The following DCAKD variants were observed in gnomAD, a reference collection of about 807,000 sequenced individuals.
DCAKD encodes dephospho-CoA kinase domain-containing protein.
A neutral mutation model predicts 18.7 loss-of-function variants in DCAKD; 15 were observed. The ratio of observed to expected loss-of-function variants is 0.80; its 90% confidence interval spans 0.54 to 1.24. The LOEUF is 1.24. Ranked by LOEUF, DCAKD falls within the 50% of genes most tolerant of loss-of-function variation. The pLI, the probability that DCAKD is intolerant of heterozygous loss-of-function variation, is 0.00. For synonymous variants in DCAKD, 130 were observed against 133.0 expected (o/e 0.98, Z 0.16); for missense variants, 301 against 322.0 (o/e 0.93, Z 0.50).
At chr17:45,043,215 C>G (rs1456626396) in intron 1 of DCAKD, among the ~76,000 whole-genome samples, 1 of 151,026 alleles carries the variant, frequency 6.6e-6, no homozygotes, top group Non-Finnish European at 1.5e-5. Context: ...GAGATCGCGC[C>G]ACTGCACTCC....
chr17:45,038,115 C>T (rs2053345856), intron 1 of DCAKD, among the ~76,000 whole-genome samples: 1 of 151,434 alleles, frequency 6.6e-6, no homozygotes. Context: ...CTCTCTCTGT[C>T]CCCCAGGGTG....
At chr17:45,025,947 G>C (rs893925518) in intron 4 of DCAKD, among the ~76,000 whole-genome samples, 1 of 148,380 alleles carries the variant, frequency 6.7e-6, no homozygotes, top group African/African-American at 2.5e-5. Flanking sequence ...TTTTGAGACG[G>C]AGTCTCGCTT....
intron 3 of DCAKD, chr17:45,031,639 C>T (rs2143207251): frequency 1.0e-6 from 1 of 985,406 alleles, no homozygotes; most frequent in Non-Finnish European, 1.2e-6. Context: ...CTCTTATCTC[C>T]CTTTCCTGTT....
At chr17:45,039,340 C>T (rs143203753) in intron 1 of DCAKD, among the ~76,000 whole-genome samples, 31 of 152,366 alleles carry the variant, frequency 2.0e-4, no homozygotes, top group African/African-American at 6.5e-4. Flanking sequence ...AGAATCCGAT[C>T]TGGCTTCCCA....
At chr17:45,058,919 ACTTATG>A (rs1280758398) in intron 1 of DCAKD, among the ~76,000 whole-genome samples, 1 of 151,966 alleles carries the variant, frequency 6.6e-6, no homozygotes, top group Non-Finnish European at 1.5e-5. Flanking sequence ...GATCATAATT[ACTTATG>A]CTTATGCCAT....
At chr17:45,026,514 C>T (rs1031168239) in intron 4 of DCAKD, 34 of 774,396 alleles carry the variant, frequency 4.4e-5, no homozygotes, top group African/African-American at 4.0e-4. Flanking sequence ...TGTGAGCCAC[C>T]GCGCCTGGCT....
chr17:45,038,216 A>T (rs1193852086), intron 1 of DCAKD, among the ~76,000 whole-genome samples: 1 of 151,914 alleles, frequency 6.6e-6, no homozygotes, highest in Non-Finnish European at 1.5e-5. Context: ...AGCTAGGATT[A>T]CAGGTATGCA....
At chr17:45,025,284 G>A (rs1294514774) in intron 4 of DCAKD, among the ~76,000 whole-genome samples, 2 of 152,072 alleles carry the variant, frequency 1.3e-5, no homozygotes, top group South Asian at 4.1e-4. Context: ...AACATTTAGA[G>A]TAAAAGGATT....
chr17:45,036,660 G>GA (rs538393645), intron 1 of DCAKD, among the ~76,000 whole-genome samples: 42 of 144,954 alleles, frequency 2.9e-4, no homozygotes, highest in East Asian at 2.8e-3. Context: ...GCATAGAAAG[G>GA]AAAAAAAAAA....
rs1312651241 is a variant in DCAKD, at chr17:45,044,731, AT to A, written c.-115+6629del. The stretch of plus-strand genomic sequence containing the variant: ...AATAAATAAATAAATAAATAAATAA[AT>A]AAATAAAAGCTGTGGCAGAAGAGTT... On this transcript the variant is annotated intron_variant, in intron 1 of 4. Transcript: ENST00000651974. Among the ~76,000 whole-genome samples, 20 of 151,076 alleles carry A rather than the reference AT, an allele frequency of 1.3e-4. No individual in the cohort carries two copies. The East Asian group carries it at 3.2e-3, about 24-fold the overall frequency.
chr17:45,056,423 AG>A (rs1340502496), upstream of DCAKD, among the ~76,000 whole-genome samples: 1 of 152,118 alleles, frequency 6.6e-6, no homozygotes. Context: ...TCAGAGGCAG[AG>A]CCAGGATTTA....
At position 45,034,923 on chromosome 17, in the gene DCAKD, C is replaced by T. The variant is rs2053259355; in HGVS notation, c.-38G>A. On this transcript the variant is annotated 5_prime_UTR_variant, in exon 2 of 5. Transcript: ENST00000651974. ...AGAGCTGTCCGCGAGACTACGGAGC[C>T]AGGAGCTACAGAATCACTGGAGAGC... The T allele has an allele frequency of 6.2e-7, 1 of 1,605,528 alleles. No homozygotes were observed. Among genetic ancestry groups the T allele is most frequent in the African/African-American group, 1.3e-5 (1 of 74,766 alleles).
chr17:45,061,087 C>G (rs1239930728), exon 1 of DCAKD: 2 of 1,301,824 alleles, frequency 1.5e-6, no homozygotes, highest in African/African-American at 3.0e-5. Context: ...TGCGCCCCTT[C>G]TTTCCTCAAA....
At position 45,044,736 on chromosome 17, in the gene DCAKD, T is replaced by A. The variant is rs192459910; in HGVS notation, c.-115+6625A>T. 1.5e-4 allele frequency among the ~76,000 whole-genome samples: 21 copies of A among 138,740 alleles called. No individual in the cohort carries two copies. The East Asian group carries it at 2.4e-3, about 16-fold the overall frequency. The allele number at this position is 138,740 out of a possible 152,430, so 91.0% of individuals were successfully genotyped here. The stretch of plus-strand genomic sequence containing the variant: ...ATAAATAAATAAATAAATAAATAAA[T>A]AAAAGCTGTGGCAGAAGAGTTCCCA... On this transcript the variant is annotated intron_variant, in intron 1 of 4. Coordinates refer to ENST00000651974, the MANE Select transcript of DCAKD (RefSeq NM_001288655.2).
At chr17:45,034,657 C>G in intron 2 of DCAKD, 117 bp downstream of exon 2, 1 of 1,161,014 alleles carries the variant, frequency 8.6e-7, no homozygotes, top group Non-Finnish European at 1.2e-6. Flanking sequence ...GAAGTCAGAC[C>G]AGGGTCAACA....
At chr17:45,030,208 T>A (rs1567831396) in intron 3 of DCAKD, 29 bp from the exon 4 acceptor site, 1 of 1,602,118 alleles carries the variant, frequency 6.2e-7, no homozygotes. Context: ...TCCCCCAAGT[T>A]CAATTCTGCA....
At chr17:45,057,235 G>T (rs957187243) in intron 1 of DCAKD, among the ~76,000 whole-genome samples, 2 of 151,742 alleles carry the variant, frequency 1.3e-5, no homozygotes, top group African/African-American at 4.8e-5. Context: ...TTAGAGACAG[G>T]GTCCTCTATG....
At chr17:45,043,889 G>A (rs1212822936) in intron 1 of DCAKD, among the ~76,000 whole-genome samples, 2 of 151,756 alleles carry the variant, frequency 1.3e-5, no homozygotes, top group African/African-American at 2.4e-5. Context: ...CATCCAACCC[G>A]CAGTGCCCGG....
At chr17:45,055,939 A>G (rs113607941), upstream of DCAKD, among the ~76,000 whole-genome samples, 930 of 152,284 alleles carry the variant, frequency 6.1e-3, 11 homozygotes, top group African/African-American at 0.022. Context: ...GGATCACCTG[A>G]GGTCAGGAGT....
Sources: allele counts gnomAD v4.1 joint callset (sites outside exome capture counted in the v4.1 genomes callset), GRCh38; gene constraint gnomAD v4.1.1; transcripts MANE v1.5; gene names NCBI Gene and HGNC (gene_info 2026-07-23, HGNC 2026-07-21).